Variants in FHIT observed in about 807,000 individuals in gnomAD.
FHIT encodes bis(5'-adenosyl)-triphosphatase.
Under a neutral mutation model 17.9 loss-of-function variants are expected in FHIT, and 19 were observed. That is an observed-to-expected ratio of 1.06 (90% confidence interval 0.74 to 1.56). FHIT has a LOEUF of 1.56. Among genes scored for constraint, FHIT ranks in the 40% most tolerant of loss-of-function variants. FHIT has a pLI of 0.00. For missense variants in FHIT, 248 were observed against 189.2 expected (o/e 1.31, Z -1.82); for synonymous variants, 81 against 69.7 (o/e 1.16, Z -0.81).
intron 5 of FHIT, among the ~76,000 whole-genome samples, chr3:60,122,026 G>C (rs72882745): frequency 0.035 from 5,306 of 151,748 alleles, 121 homozygotes; most frequent in South Asian, 0.1. Context: ...ATATGAAACA[G>C]ACTACACTTG....
intron 5 of FHIT, among the ~76,000 whole-genome samples, chr3:60,346,508 A>G (rs887982457): frequency 6.6e-6 from 1 of 152,202 alleles, no homozygotes; most frequent in Admixed American, 6.5e-5. Flanking sequence ...TGTGCTCTTC[A>G]GCTCATCTGT....
At chr3:60,932,215 A>G (rs1707991354) in intron 3 of FHIT, among the ~76,000 whole-genome samples, 1 of 152,176 alleles carries the variant, frequency 6.6e-6, no homozygotes, top group Non-Finnish European at 1.5e-5. Flanking sequence ...TGAGGTAGGT[A>G]TTACTATGCA....
At chr3:61,229,634 T>C (rs1560096941) in intron 1 of FHIT, among the ~76,000 whole-genome samples, 1 of 152,124 alleles carries the variant, frequency 6.6e-6, no homozygotes, top group Non-Finnish European at 1.5e-5. Context: ...GAAATACTCA[T>C]CTCACAGGTC....
intron 3 of FHIT, among the ~76,000 whole-genome samples, chr3:60,913,055 G>A (rs190447850): frequency 7.0e-4 from 106 of 152,362 alleles, no homozygotes; most frequent in African/African-American, 2.2e-3. Flanking sequence ...GAAGCACTCT[G>A]TAGGTGAAAG....
At chr3:61,151,562 A>ATTCTTTTCTTT (rs149332604) in intron 2 of FHIT, among the ~76,000 whole-genome samples, 12,623 of 129,660 alleles carry the variant, frequency 0.097, 864 homozygotes, top group South Asian at 0.21. Context: ...GGCTTGTGAT[A>ATTCTTTTCTTT]TTCTTTTCTT....
intron 4 of FHIT, among the ~76,000 whole-genome samples, chr3:60,582,400 T>G (rs1354362518): frequency 6.6e-6 from 1 of 152,114 alleles, no homozygotes; most frequent in African/African-American, 2.4e-5. Context: ...TAAGTAAGTC[T>G]ATTTTAACAG....
intron 3 of FHIT, among the ~76,000 whole-genome samples, chr3:60,984,373 T>C (rs914349039): frequency 3.3e-5 from 5 of 152,214 alleles, no homozygotes; most frequent in East Asian, 1.9e-4. Context: ...GCATCATCAT[T>C]TCTACTGACC....
intron 7 of FHIT, among the ~76,000 whole-genome samples, chr3:59,973,922 G>C (rs1387359134): frequency 1.3e-5 from 2 of 151,828 alleles, no homozygotes; most frequent in African/African-American, 4.8e-5. Flanking sequence ...GACCAGAGCA[G>C]CAGTACTTCA....
chr3:60,425,115 G>A lies in FHIT; in HGVS notation c.103+111745C>T, dbSNP rs143878252. ...ACACATGGATCAAGGGAGGATGGTTGCAACACATCCCTATCAGGAACCCAC... is the reference window on the plus strand; with the variant it reads ...ACACATGGATCAAGGGAGGATGGTTACAACACATCCCTATCAGGAACCCAC... On this transcript the variant is annotated intron_variant, in intron 5 of 9. Coordinates refer to ENST00000492590, the MANE Select transcript of FHIT (RefSeq NM_002012.4). Among the ~76,000 whole-genome samples, 46 of 152,134 alleles carry A rather than the reference G, an allele frequency of 3.0e-4. No homozygotes were observed. In the East Asian group the frequency reaches 8.8e-3, roughly 29 times the overall value.
intron 4 of FHIT, among the ~76,000 whole-genome samples, chr3:60,715,439 C>T (rs186848557): frequency 6.6e-4 from 101 of 151,968 alleles, no homozygotes; most frequent in African/African-American, 2.2e-3. Flanking sequence ...ACCATGCAGC[C>T]GTAAAAAAAT....
At chr3:61,246,165 A>G (rs1247133238) in intron 1 of FHIT, among the ~76,000 whole-genome samples, 1 of 152,206 alleles carries the variant, frequency 6.6e-6, no homozygotes, top group Non-Finnish European at 1.5e-5. Flanking sequence ...CGAATAATCC[A>G]TGCCTTGTTT....
intron 5 of FHIT, among the ~76,000 whole-genome samples, chr3:60,463,202 G>T (rs960054051): frequency 7.9e-5 from 12 of 152,102 alleles, no homozygotes; most frequent in African/African-American, 2.4e-4. Flanking sequence ...ACACTTTAAA[G>T]TACTTAGGTG....
At chr3:59,962,843 A>T (rs62240089) in intron 7 of FHIT, among the ~76,000 whole-genome samples, 13,287 of 152,308 alleles carry the variant, frequency 0.087, 813 homozygotes, top group South Asian at 0.15. Flanking sequence ...AAATAATAAT[A>T]GAACAACTGA....
chr3:60,585,099 C>A (rs2037864718), intron 4 of FHIT, among the ~76,000 whole-genome samples: 1 of 151,992 alleles, frequency 6.6e-6, no homozygotes, highest in Admixed American at 6.6e-5. Context: ...TTTATAGCTA[C>A]TAGGTGAGCT....
intron 1 of FHIT, among the ~76,000 whole-genome samples, chr3:61,238,981 T>C (rs1181122430): frequency 1.3e-5 from 2 of 152,104 alleles, no homozygotes; most frequent in Non-Finnish European, 2.9e-5. Context: ...TGAGAAGGAA[T>C]TGGGTTATAC....
At chr3:60,293,433 A>T (rs1207068985) in intron 5 of FHIT, among the ~76,000 whole-genome samples, 5 of 152,200 alleles carry the variant, frequency 3.3e-5, no homozygotes, top group Admixed American at 3.3e-4. Context: ...ATGGCTTCAA[A>T]GTCACTAATT....
intron 5 of FHIT, among the ~76,000 whole-genome samples, chr3:60,224,193 G>A (rs926056822): frequency 6.6e-6 from 1 of 152,114 alleles, no homozygotes; most frequent in Non-Finnish European, 1.5e-5. Flanking sequence ...TCCCCCTTCC[G>A]CTATCTTCCA....
intron 5 of FHIT, among the ~76,000 whole-genome samples, chr3:60,243,646 A>C (rs1379078200): frequency 1.3e-5 from 2 of 152,160 alleles, no homozygotes; most frequent in African/African-American, 4.8e-5. Flanking sequence ...TCAACAGCAG[A>C]AACTATTATC....
chr3:60,244,513 GTTGA>G (rs1440380223), intron 5 of FHIT, among the ~76,000 whole-genome samples: 2 of 152,038 alleles, frequency 1.3e-5, no homozygotes, highest in East Asian at 1.9e-4. Flanking sequence ...AAGATTTCAT[GTTGA>G]TTAACAGTAA....
Sources: gnomAD v4.1 joint callset for allele counts (sites outside exome capture counted in the v4.1 genomes callset) on GRCh38, gnomAD v4.1.1 for gene constraint, MANE v1.5 for transcripts, NCBI Gene and HGNC (gene_info 2026-07-23, HGNC 2026-07-21) for gene names.